ESRRG: variants seen among roughly 807,000 people sequenced by gnomAD.
ESRRG encodes estrogen-related receptor gamma.
Under a neutral mutation model 44.0 loss-of-function variants are expected in ESRRG, and 13 were observed. That is an observed-to-expected ratio of 0.30 (90% CI 0.19 to 0.47). ESRRG has a LOEUF of 0.47. Among genes scored for constraint, ESRRG ranks in the 20% least tolerant of loss-of-function variants. The pLI is 1.00. For synonymous variants in ESRRG, 215 were observed against 214.6 expected (o/e 1.00, Z -0.02); for missense variants, 395 against 580.6 (o/e 0.68, Z 3.29).
intron 2 of ESRRG, among the ~76,000 whole-genome samples, chr1:216,839,639 T>A (rs999754146): frequency 3.4e-4 from 51 of 152,204 alleles, no homozygotes; most frequent in Admixed American, 3.3e-3. Flanking sequence ...GTTGTGTATA[T>A]GAATGAAACC....
intron 2 of ESRRG, among the ~76,000 whole-genome samples, chr1:216,913,999 C>T (rs2060817059): frequency 6.6e-6 from 1 of 152,100 alleles, no homozygotes; most frequent in African/African-American, 2.4e-5. Flanking sequence ...TTTTTGCAAA[C>T]AGAAATGACA....
chr1:216,673,356 G>A (rs1258712007), intron 2 of ESRRG, among the ~76,000 whole-genome samples: 1 of 152,086 alleles, frequency 6.6e-6, no homozygotes, highest in African/African-American at 2.4e-5. Flanking sequence ...GCCTTTTTGG[G>A]GCTAAGTGAG....
intron 1 of ESRRG, among the ~76,000 whole-genome samples, chr1:217,011,337 A>G (rs2078579524): frequency 6.6e-6 from 1 of 152,200 alleles, no homozygotes; most frequent in South Asian, 2.1e-4. Context: ...ACATTCAATA[A>G]ACAGGTTTAT....
intron 1 of ESRRG, among the ~76,000 whole-genome samples, chr1:217,086,601 C>A (rs1231193287): frequency 6.6e-6 from 1 of 152,112 alleles, no homozygotes; most frequent in African/African-American, 2.4e-5. Flanking sequence ...CAATTTAAAG[C>A]CATAAAAATA....
intron 2 of ESRRG, among the ~76,000 whole-genome samples, chr1:216,918,256 C>T (rs995942715): frequency 6.6e-6 from 1 of 152,054 alleles, no homozygotes; most frequent in Admixed American, 6.6e-5. Context: ...ATTCCACATT[C>T]TCATATTCTT....
chr1:216,597,250 G>C (rs1332557780), intron 3 of ESRRG, among the ~76,000 whole-genome samples: 3 of 152,118 alleles, frequency 2.0e-5, no homozygotes, highest in Admixed American at 1.3e-4. Context: ...AGGGCTCACT[G>C]TCACAGTCAG....
intron 2 of ESRRG, among the ~76,000 whole-genome samples, chr1:216,671,427 A>G (rs1458204988): frequency 6.6e-6 from 1 of 152,170 alleles, no homozygotes; most frequent in Non-Finnish European, 1.5e-5. Context: ...AAGGTGACAT[A>G]CCTGTCCTTC....
At chr1:216,638,354 T>C (rs962662156) in intron 3 of ESRRG, among the ~76,000 whole-genome samples, 12 of 151,724 alleles carry the variant, frequency 7.9e-5, no homozygotes, top group African/African-American at 2.9e-4. Context: ...GTAGTAAACC[T>C]GACAGTGAAC....
At chr1:216,913,393 C>T (rs913354579) in intron 2 of ESRRG, among the ~76,000 whole-genome samples, 2 of 151,784 alleles carry the variant, frequency 1.3e-5, no homozygotes, top group African/African-American at 2.4e-5. Flanking sequence ...GTGGGGGTGG[C>T]TACTGGAAAC....
chr1:216,619,044 A>G (rs910036344), intron 3 of ESRRG, among the ~76,000 whole-genome samples: 1 of 152,230 alleles, frequency 6.6e-6, no homozygotes, highest in African/African-American at 2.4e-5. Flanking sequence ...GCTCCACCAG[A>G]TCCCATGATG....
intron 1 of ESRRG, among the ~76,000 whole-genome samples, chr1:217,017,325 C>T (rs1029937422): frequency 1.3e-5 from 2 of 151,812 alleles, no homozygotes; most frequent in Non-Finnish European, 2.9e-5. Context: ...TAAAAATAAC[C>T]CCTCTCAGCC....
At chr1:216,864,799 G>A (rs964329076) in intron 2 of ESRRG, 1 of 152,116 alleles carries the variant, frequency 6.6e-6, no homozygotes, top group Non-Finnish European at 1.5e-5. Flanking sequence ...AGCATCTTGG[G>A]AGAACACCCC....
At chr1:216,943,120 A>C (rs912772417) in intron 1 of ESRRG, among the ~76,000 whole-genome samples, 3 of 152,182 alleles carry the variant, frequency 2.0e-5, no homozygotes, top group Non-Finnish European at 4.4e-5. Context: ...CAAGATTCCC[A>C]GGGTGTACTT....
intron 2 of ESRRG, among the ~76,000 whole-genome samples, chr1:216,888,356 T>C (rs944963151): frequency 2.6e-5 from 4 of 152,230 alleles, no homozygotes; most frequent in Non-Finnish European, 5.9e-5. Flanking sequence ...CAAAGCAATA[T>C]GCTCTGTTGT....
chr1:216,842,214 T>A (rs2095664402), intron 2 of ESRRG, among the ~76,000 whole-genome samples: 1 of 152,206 alleles, frequency 6.6e-6, no homozygotes, highest in Non-Finnish European at 1.5e-5. Flanking sequence ...TAGTTCTATA[T>A]GAAGTTCTTA....
intron 2 of ESRRG, among the ~76,000 whole-genome samples, chr1:216,917,116 C>G (rs1578124171): frequency 6.6e-6 from 1 of 150,810 alleles, no homozygotes; most frequent in East Asian, 1.9e-4. Context: ...TCTCTCTACA[C>G]AGTCTCAGCA....
intron 2 of ESRRG, among the ~76,000 whole-genome samples, chr1:216,654,990 G>A (rs757330847): frequency 1.3e-5 from 2 of 152,096 alleles, no homozygotes; most frequent in South Asian, 2.1e-4. Flanking sequence ...GAATAATTAC[G>A]TAAAGATTTT....
intron 2 of ESRRG, among the ~76,000 whole-genome samples, chr1:216,933,479 T>A (rs1412670935): frequency 1.3e-5 from 2 of 152,072 alleles, no homozygotes; most frequent in Non-Finnish European, 2.9e-5. Flanking sequence ...ACTGTCAATT[T>A]CTGTGGTGTA....
intron 1 of ESRRG, among the ~76,000 whole-genome samples, chr1:217,016,074 G>A (rs1014745465): frequency 3.3e-5 from 5 of 152,068 alleles, no homozygotes; most frequent in African/African-American, 1.2e-4. Flanking sequence ...GACTGGAAGG[G>A]AGATCTTAGA....
Sources: allele counts gnomAD v4.1 joint callset (sites outside exome capture counted in the v4.1 genomes callset), GRCh38; gene constraint gnomAD v4.1.1; transcripts MANE v1.5; gene names NCBI Gene and HGNC (gene_info 2026-07-23, HGNC 2026-07-21).